CUBN: variants seen among roughly 807,000 people sequenced by gnomAD.
CUBN encodes cubilin, also known as 460 kDa receptor.
Under a neutral mutation model 405.3 loss-of-function variants are expected in CUBN, and 282 were observed. That is an observed-to-expected ratio of 0.70 (90% CI 0.63 to 0.77). The LOEUF (loss-of-function observed/expected upper bound fraction) is 0.77, where lower values mean the gene tolerates loss of function less well. Ranked by LOEUF, CUBN falls within the 30% of genes least tolerant of loss-of-function variation. The pLI, the probability that CUBN is intolerant of heterozygous loss-of-function variation, is 0.00. For synonymous variants in CUBN, 1,684 were observed against 1,617.0 expected (o/e 1.04, Z -0.99); for missense variants, 4,514 against 4,475.2 (o/e 1.01, Z -0.25).
At chr10:17,103,101 T>A (rs538930938) in intron 13 of CUBN, 24 bp downstream of exon 13, 1 of 1,281,986 alleles carries the variant, frequency 7.8e-7, no homozygotes, top group African/African-American at 1.5e-5. Flanking sequence ...TAATATGCAT[T>A]TGGGCAAGAG....
chr10:16,896,966 CTTTA>C (rs1841201521), intron 54 of CUBN, among the ~76,000 whole-genome samples: 1 of 152,058 alleles, frequency 6.6e-6, no homozygotes, highest in South Asian at 2.1e-4. Context: ...TCAGCATGTT[CTTTA>C]TTTATGTTAG....
At chr10:16,987,528 G>T (rs1039142094) in intron 29 of CUBN, among the ~76,000 whole-genome samples, 1 of 152,052 alleles carries the variant, frequency 6.6e-6, no homozygotes, top group Non-Finnish European at 1.5e-5. Context: ...TTTTGCAATG[G>T]GCCACTTTCC....
At position 17,100,228 on chromosome 10, in the gene CUBN, G is replaced by C; in HGVS notation, c.1542C>G (p.Ile514Met). The change falls in exon 14 of 67, where the codon ATC (isoleucine) becomes ATG (methionine). Residue 514 changes from isoleucine to methionine, a missense_variant. Ile to Met is a conservative substitution (Grantham distance 10, BLOSUM62 1). Transcript: ENST00000377833. ...IKTEMGKVLR[I>M]TFTFFRLESM... ...ATTCTAACCGGAAAAAAGTGAAAGT[G>C]ATACGCAGGACCTAAAAATACAAAG... 1.2e-6 allele frequency: 2 copies of C among 1,607,952 alleles called. No individual in the cohort carries two copies. Among genetic ancestry groups the C allele is most frequent in the Non-Finnish European group, 1.7e-6 (2 of 1,174,584 alleles).
At chr10:17,126,871 C>T (rs1837203801) in intron 3 of CUBN, 72 bp from the exon 4 acceptor site, 3 of 1,500,468 alleles carry the variant, frequency 2.0e-6, no homozygotes, top group Admixed American at 3.3e-5. Flanking sequence ...ATATCCTTGA[C>T]ATATTGTCCT....
At chr10:16,897,768 C>T (rs1470978243) in intron 54 of CUBN, among the ~76,000 whole-genome samples, 3 of 152,134 alleles carry the variant, frequency 2.0e-5, no homozygotes, top group Non-Finnish European at 4.4e-5. Context: ...ACAAGCATCT[C>T]GGGCCCATTA....
intron 59 of CUBN, among the ~76,000 whole-genome samples, chr10:16,864,036 T>C (rs1383075667): frequency 2.6e-5 from 4 of 152,182 alleles, no homozygotes; most frequent in African/African-American, 9.7e-5. Context: ...GGATTGAATT[T>C]TGAGAATGAG....
Position 16,931,136 on chromosome 10 carries a change from T to C in CUBN, c.6124+1951A>G, listed in dbSNP as rs111234430. On this transcript the variant is annotated intron_variant, in intron 40 of 66. Coordinates refer to ENST00000377833, the MANE Select transcript of CUBN (RefSeq NM_001081.4). ...AAAATTAGCTGAGTGCGGTGGCGGGTGCCTATAGTCCCAGCTATTAGGGAG... is the reference window on the plus strand; with the variant it reads ...AAAATTAGCTGAGTGCGGTGGCGGGCGCCTATAGTCCCAGCTATTAGGGAG... 1.5e-3 allele frequency among the ~76,000 whole-genome samples: 228 copies of C among 149,958 alleles called. 1 individual carries two copies. Among genetic ancestry groups the C allele is most frequent in the East Asian group, 8.4e-3 (43 of 5,092 alleles).
chr10:16,943,621 G>A (rs990077435), intron 36 of CUBN, among the ~76,000 whole-genome samples: 1 of 152,288 alleles, frequency 6.6e-6, no homozygotes, highest in East Asian at 1.9e-4. Context: ...TCCTCAGAAC[G>A]TAAATTACAC....
chr10:16,866,925 C>T (rs1263496747), intron 59 of CUBN, among the ~76,000 whole-genome samples: 7 of 152,172 alleles, frequency 4.6e-5, no homozygotes, highest in South Asian at 2.1e-4. Context: ...TGCTGTGACT[C>T]GCTAGCAATA....
intron 59 of CUBN, among the ~76,000 whole-genome samples, chr10:16,859,676 CAAAG>C (rs1839962094): frequency 6.6e-6 from 1 of 152,120 alleles, no homozygotes; most frequent in Non-Finnish European, 1.5e-5. Context: ...AAAACAAAAA[CAAAG>C]AACACTTTTT....
At chr10:17,073,966 T>C (rs1464313099) in intron 17 of CUBN, among the ~76,000 whole-genome samples, 1 of 152,210 alleles carries the variant, frequency 6.6e-6, no homozygotes, top group Non-Finnish European at 1.5e-5. Context: ...GCTGTTGTTA[T>C]TCTGGACATT....
At chr10:16,870,750 T>A (rs1840326375) in intron 58 of CUBN, among the ~76,000 whole-genome samples, 1 of 152,198 alleles carries the variant, frequency 6.6e-6, no homozygotes, top group Non-Finnish European at 1.5e-5. Context: ...AGAAATCAAC[T>A]TGTTGAGTTA....
At chr10:16,851,698 CTCTA>C (rs1323578127) in intron 59 of CUBN, among the ~76,000 whole-genome samples, 4 of 143,940 alleles carry the variant, frequency 2.8e-5, no homozygotes, top group East Asian at 2.1e-4. Context: ...CCCTCCCTCC[CTCTA>C]TCTTTCCTTC....
chr10:16,963,565 G>A (rs937097740), intron 31 of CUBN, among the ~76,000 whole-genome samples: 2 of 152,140 alleles, frequency 1.3e-5, no homozygotes, highest in African/African-American at 4.8e-5. Flanking sequence ...GTTTACACTA[G>A]AGAAAGTCTT....
chr10:16,888,475 G>A lies in CUBN; in HGVS notation c.8847C>T (p.Val2949=). Residue 2949 remains valine (V), a synonymous_variant, in exon 56 of 67, where the codon GTC becomes GTT. Transcript: ENST00000377833. The part of the protein sequence containing the change: ...QYDNNMNCTY[V]IEANPLSVVL... ...CCACTGACAGAGGATTAGCCTCTATGACATAGGTGCAATTCATGTTGTTGT... is the reference window on the plus strand; with the variant it reads ...CCACTGACAGAGGATTAGCCTCTATAACATAGGTGCAATTCATGTTGTTGT... The A allele has an allele frequency of 1.9e-6, 3 of 1,612,744 alleles. No individual in the cohort carries two copies. The highest frequency in any genetic ancestry group is 2.5e-6 in the Non-Finnish European group (3 of 1,178,778).
chr10:17,031,061 A>T (rs542058533), intron 27 of CUBN, among the ~76,000 whole-genome samples: 1 of 152,294 alleles, frequency 6.6e-6, no homozygotes, highest in South Asian at 2.1e-4. Context: ...TGAAATTAAA[A>T]TTTTTTTCAT....
At position 16,918,645 on chromosome 10, in the gene CUBN, C is replaced by A. The variant is rs144085030; in HGVS notation, c.6977G>T (p.Gly2326Val). Residue 2326 changes from glycine to valine, a missense_variant, in exon 45 of 67, where the codon GGA becomes GTA. Around this residue, in one of 5 missense-constraint regions of CUBN, gnomAD observed 1,613 missense variants for 1,542.8 expected, o/e 1.05. Transcript: ENST00000377833. ...ACCTATAGAATACTTGGCCTTGAATCCCACATGTGTGGGGCTGTTGTCAGA... is the reference window on the plus strand; with the variant it reads ...ACCTATAGAATACTTGGCCTTGAATACCACATGTGTGGGGCTGTTGTCAGA... ...FRSDNSPTHV[G>V]FKAKYSIAQC... 20 of 1,613,754 alleles carry A rather than the reference C, an allele frequency of 1.2e-5. No homozygotes were observed. Among genetic ancestry groups the A allele is most frequent in the Non-Finnish European group, 1.6e-5 (19 of 1,179,792 alleles).
At chr10:17,016,709 G>C (rs972067724) in intron 28 of CUBN, among the ~76,000 whole-genome samples, 1 of 152,108 alleles carries the variant, frequency 6.6e-6, no homozygotes. Flanking sequence ...TGGTCCCTTG[G>C]AGATTTCTTT....
rs565693642 is a variant in CUBN at position 17,065,646 on chromosome 10, A to G, written c.3009-8T>C. 21 of 1,613,208 alleles carry G rather than the reference A, an allele frequency of 1.3e-5. 1 individual carries two copies. The South Asian group carries it at 2.2e-4, about 17-fold the overall frequency. The stretch of plus-strand genomic sequence containing the variant: ...ATCGACTTTCCACAGTATCTATTCC[A>G]AACCAAGAAAGGACAGATGTGTGTA... On this transcript the variant is annotated splice_region_variant and splice_polypyrimidine_tract_variant and intron_variant, in intron 21 of 66. Transcript: ENST00000377833.
Sources: gnomAD v4.1 joint callset for allele counts (sites outside exome capture counted in the v4.1 genomes callset) on GRCh38, gnomAD v4.1.1 for gene constraint, gnomAD v4.1.1 regional missense constraint, MANE v1.5 for transcripts, NCBI Gene and HGNC (gene_info 2026-07-23, HGNC 2026-07-21) for gene names.